PTPRM: variants seen among roughly 807,000 people sequenced by gnomAD.
The protein encoded by PTPRM is receptor-type tyrosine-protein phosphatase mu.
Under a neutral mutation model 186.7 loss-of-function variants are expected in PTPRM, and 47 were observed. That is an observed-to-expected ratio of 0.25 (90% CI 0.20 to 0.32). The LOEUF (loss-of-function observed/expected upper bound fraction) is 0.32, where lower values mean the gene tolerates loss of function less well. Ranked by LOEUF, PTPRM falls within the 10% of genes least tolerant of loss-of-function variation. The pLI is 1.00. For missense variants in PTPRM, 1,494 were observed against 1,865.0 expected, an observed-to-expected ratio of 0.80 and a Z score of 3.66; for synonymous variants, 668 against 674.9, an observed-to-expected ratio of 0.99 and a Z score of 0.16.
chr18:7,947,348 G>A (rs943145237), intron 5 of PTPRM, among the ~76,000 whole-genome samples: 1 of 152,134 alleles, frequency 6.6e-6, no homozygotes, highest in African/African-American at 2.4e-5. Context: ...CACTCTGGAT[G>A]ATCACTATAG....
intron 1 of PTPRM, among the ~76,000 whole-genome samples, chr18:7,659,358 T>C (rs1408210746): frequency 6.6e-6 from 1 of 152,188 alleles, no homozygotes; most frequent in Non-Finnish European, 1.5e-5. Flanking sequence ...TAACTATCTA[T>C]TGAATAAGTG....
intron 7 of PTPRM, among the ~76,000 whole-genome samples, chr18:7,958,730 C>G (rs1444839555): frequency 6.6e-6 from 1 of 152,156 alleles, no homozygotes; most frequent in East Asian, 1.9e-4. Flanking sequence ...ACTCCATAAT[C>G]ATGCTTATCA....
At chr18:8,077,337 A>G (rs921120148) in intron 9 of PTPRM, among the ~76,000 whole-genome samples, 1 of 152,044 alleles carries the variant, frequency 6.6e-6, no homozygotes, top group Non-Finnish European at 1.5e-5. Context: ...TTTCAGAACT[A>G]CTGACAAAAG....
chr18:8,171,972 CA>C (rs1241318356), intron 14 of PTPRM, among the ~76,000 whole-genome samples: 3 of 152,112 alleles, frequency 2.0e-5, no homozygotes, highest in African/African-American at 7.2e-5. Flanking sequence ...AAGTGAAAAA[CA>C]GAATGGTTGT....
intron 7 of PTPRM, among the ~76,000 whole-genome samples, chr18:7,993,383 T>C (rs2083364907): frequency 6.6e-6 from 1 of 152,038 alleles, no homozygotes; most frequent in South Asian, 2.1e-4. Flanking sequence ...CTTAAAGACT[T>C]CTGAATATAC....
At chr18:7,974,792 C>A (rs1465263081) in intron 7 of PTPRM, among the ~76,000 whole-genome samples, 2 of 152,232 alleles carry the variant, frequency 1.3e-5, no homozygotes, top group African/African-American at 4.8e-5. Context: ...TTTTTTCTTT[C>A]AATCTTTTAC....
At chr18:8,103,901 T>C (rs73387768) in intron 11 of PTPRM, among the ~76,000 whole-genome samples, 14,492 of 152,212 alleles carry the variant, frequency 0.095, 937 homozygotes, top group Middle Eastern at 0.21. Flanking sequence ...TTCACTTGAA[T>C]ACTTAAAGGC....
At chr18:7,658,492 T>G (rs2038908503) in intron 1 of PTPRM, among the ~76,000 whole-genome samples, 1 of 151,978 alleles carries the variant, frequency 6.6e-6, no homozygotes, top group East Asian at 1.9e-4. Context: ...GCCTCTCTAC[T>G]TCCTTATTTC....
chr18:7,684,885 A>G (rs533699072), intron 1 of PTPRM, among the ~76,000 whole-genome samples: 1 of 152,322 alleles, frequency 6.6e-6, no homozygotes, highest in East Asian at 1.9e-4. Context: ...TTGCTGGATC[A>G]TATGATGTTT....
intron 1 of PTPRM, among the ~76,000 whole-genome samples, chr18:7,596,174 G>A (rs1255514160): frequency 6.6e-6 from 1 of 152,110 alleles, no homozygotes; most frequent in Non-Finnish European, 1.5e-5. Flanking sequence ...AGTGACTTGA[G>A]CACAGGCACT....
At chr18:8,151,594 C>G (rs947602902) in intron 14 of PTPRM, among the ~76,000 whole-genome samples, 2 of 150,860 alleles carry the variant, frequency 1.3e-5, no homozygotes, top group Non-Finnish European at 3.0e-5. Context: ...AGGGTGGGAC[C>G]CACTGAGGCA....
intron 23 of PTPRM, among the ~76,000 whole-genome samples, chr18:8,368,338 G>A (rs916545129): frequency 2.6e-5 from 4 of 151,858 alleles, no homozygotes; most frequent in Non-Finnish European, 5.9e-5. Flanking sequence ...TCTGGGAAAG[G>A]AGAAATTGTA....
At chr18:7,665,081 T>C (rs1216628688) in intron 1 of PTPRM, among the ~76,000 whole-genome samples, 1 of 152,204 alleles carries the variant, frequency 6.6e-6, no homozygotes, top group Non-Finnish European at 1.5e-5. Flanking sequence ...GTCATAAAAT[T>C]ACTAAGTGTG....
intron 1 of PTPRM, among the ~76,000 whole-genome samples, chr18:7,680,567 A>G (rs2039457906): frequency 1.3e-5 from 2 of 152,210 alleles, no homozygotes. Flanking sequence ...AAACCGTTTC[A>G]CATGCTACAA....
intron 7 of PTPRM, among the ~76,000 whole-genome samples, chr18:7,998,604 T>TA (rs781219371): frequency 1.3e-5 from 2 of 152,188 alleles, no homozygotes; most frequent in Non-Finnish European, 2.9e-5. Context: ...AATATTCATA[T>TA]AGTGAAAAAA....
chr18:8,028,957 A>G (rs1461120537), intron 7 of PTPRM, among the ~76,000 whole-genome samples: 2 of 152,212 alleles, frequency 1.3e-5, no homozygotes, highest in Non-Finnish European at 2.9e-5. Context: ...AGAGCATTCT[A>G]ATCCCACTGA....
intron 24 of PTPRM, 148 bp downstream of exon 24, chr18:8,371,154 C>A: frequency 4.0e-6 from 2 of 501,696 alleles, no homozygotes; most frequent in African/African-American, 2.0e-5. Context: ...GCATCTTGCT[C>A]TCTGATTCTA....
In PTPRM at chr18:8,098,107, A is replaced by G. The variant is rs1244636699; in HGVS notation, c.1856+9256A>G. On this transcript the variant is annotated intron_variant, in intron 11 of 32. Transcript: ENST00000580170. ...CTACCATACAGCCTAGGGGTGTAGTAGGCTGTACCATCTAGGGTTTTGTAA... is the reference window on the plus strand; with the variant it reads ...CTACCATACAGCCTAGGGGTGTAGTGGGCTGTACCATCTAGGGTTTTGTAA... Among the ~76,000 whole-genome samples, 4 of 152,170 alleles carry G rather than the reference A, an allele frequency of 2.6e-5. No individual in the cohort carries two copies. In the South Asian group the frequency reaches 6.2e-4, roughly 24 times the overall value.
chr18:8,335,914 C>CT (rs1382767417), intron 22 of PTPRM, among the ~76,000 whole-genome samples: 1 of 152,146 alleles, frequency 6.6e-6, no homozygotes, highest in African/African-American at 2.4e-5. Flanking sequence ...CCCAGCTACT[C>CT]TGGAGGTTGA....
Sources: gnomAD v4.1 joint callset for allele counts (sites outside exome capture counted in the v4.1 genomes callset) on GRCh38, gnomAD v4.1.1 for gene constraint, MANE v1.5 for transcripts, NCBI Gene and HGNC (gene_info 2026-07-23, HGNC 2026-07-21) for gene names.